Variants in BCAP29 observed in about 807,000 individuals in gnomAD.
BCAP29 encodes the protein B cell receptor associated protein 29, also known as B-cell receptor-associated protein 29.
A neutral mutation model predicts 31.8 loss-of-function variants in BCAP29; 34 were observed. The observed-to-expected ratio is 1.07, with a 90% confidence interval of 0.81 to 1.42. The LOEUF is 1.42. Among genes scored for constraint, BCAP29 ranks in the 40% most tolerant of loss-of-function variants. BCAP29 has a pLI of 0.00. For synonymous variants in BCAP29, 104 were observed against 91.3 expected (o/e 1.14, Z -0.79); for missense variants, 314 against 269.2 (o/e 1.17, Z -1.16).
intron 7 of BCAP29, 148 bp from the exon 8 acceptor site, chr7:107,618,180 A>G: frequency 3.6e-6 from 2 of 558,104 alleles, no homozygotes; most frequent in Non-Finnish European, 2.9e-6. Flanking sequence ...TAGTTTTTTA[A>G]ATTTTAGACT....
chr7:107,586,388 G>T (rs879520260), intron 3 of BCAP29, among the ~76,000 whole-genome samples: 8 of 152,172 alleles, frequency 5.3e-5, no homozygotes, highest in Non-Finnish European at 1.0e-4. Context: ...GGAGAATCAT[G>T]ACTGCTGGCT....
At chr7:107,608,561 C>T (rs1165758424) in intron 6 of BCAP29, among the ~76,000 whole-genome samples, 1 of 152,028 alleles carries the variant, frequency 6.6e-6, no homozygotes, top group South Asian at 2.1e-4. Flanking sequence ...TTTCCTGCCC[C>T]ATTCTTAGAA....
intron 6 of BCAP29, among the ~76,000 whole-genome samples, chr7:107,608,754 G>A (rs956827830): frequency 2.6e-5 from 4 of 152,132 alleles, no homozygotes; most frequent in African/African-American, 9.7e-5. Flanking sequence ...TTGATTGACG[G>A]TGTTTTTATC....
chr7:107,580,178 G>A (rs1229566339), upstream of BCAP29: 2 of 152,072 alleles, frequency 1.3e-5, no homozygotes, highest in Non-Finnish European at 2.9e-5. Flanking sequence ...CCCGCGGGCG[G>A]GAGCCTGCGG....
intron 3 of BCAP29, among the ~76,000 whole-genome samples, chr7:107,590,531 ATCCTG>A (rs1305307961): frequency 1.3e-5 from 2 of 152,108 alleles, no homozygotes; most frequent in African/African-American, 4.8e-5. Flanking sequence ...TATATAGAAA[ATCCTG>A]GCCTGGCACA....
chr7:107,599,040 GTATA>G (rs1169758861), intron 5 of BCAP29, among the ~76,000 whole-genome samples: 1 of 121,454 alleles, frequency 8.2e-6, no homozygotes, highest in Non-Finnish European at 1.6e-5. Flanking sequence ...TTAAAAATTT[GTATA>G]TATATAAAAT....
At chr7:107,599,722 T>A (rs1810801711) in intron 5 of BCAP29, among the ~76,000 whole-genome samples, 1 of 152,138 alleles carries the variant, frequency 6.6e-6, no homozygotes, top group Non-Finnish European at 1.5e-5. Flanking sequence ...AAATTTTTAC[T>A]CCATGATAAT....
chr7:107,588,382 A>G (rs375362214), intron 3 of BCAP29, among the ~76,000 whole-genome samples: 4 of 152,196 alleles, frequency 2.6e-5, no homozygotes, highest in African/African-American at 9.7e-5. Flanking sequence ...TGTTCACTTT[A>G]AAGTGTTTAC....
chr7:107,594,321 G>A, intron 4 of BCAP29: 2 of 513,662 alleles, frequency 3.9e-6, no homozygotes, highest in African/African-American at 1.9e-5. Context: ...CTCATTTCTA[G>A]GACTACAGGC....
At chr7:107,622,319 A>G (rs1815047484), downstream of BCAP29, 1 of 160,396 alleles carries the variant, frequency 6.2e-6, no homozygotes, top group African/African-American at 2.4e-5. Context: ...TTCCAACTGC[A>G]GTTAAGATCA....
Position 107,613,339 on chromosome 7 carries a change from T to G in BCAP29, c.597T>G (p.Ser199=), listed in dbSNP as rs777250076. Residue 199 remains serine, a synonymous_variant, in exon 7 of 8, where the codon TCT becomes TCG. Transcript: ENST00000005259. ...TELRKTSDAL[S]KAQNDVMEMK... ...CTATTCGATATTTTCTAGCCCTTTC[T>G]AAGGCACAAAATGATGTGATGGAAA... 2.4e-5 allele frequency: 39 copies of G among 1,605,396 alleles called. No individual in the cohort carries two copies. The highest frequency in any genetic ancestry group is 3.2e-5 in the Non-Finnish European group (38 of 1,174,462).
Position 107,595,966 on chromosome 7 carries a change from CA to C in BCAP29, c.450del (p.Lys150AsnfsTer9). ...TQAENTNKAA[K>X]KFMEENEKLK... Reference sequence around the variant, plus strand: ...AAGCAGAAAATACTAACAAGGCTGCCAAAAAATTTATGGAAGAAAACGAAAA... The same window carrying C: ...AAGCAGAAAATACTAACAAGGCTGCCAAAAATTTATGGAAGAAAACGAAAA... On this transcript the variant is annotated frameshift_variant, in exon 5 of 8. Coordinates refer to ENST00000005259, the MANE Select transcript of BCAP29 (RefSeq NM_018844.4). LOFTEE classifies it high-confidence loss of function. The C allele has an allele frequency of 2.5e-6, 4 of 1,573,776 alleles. No individual in the cohort carries two copies. The highest frequency in any genetic ancestry group is 4.1e-5 in the Admixed American group (2 of 48,442).
rs1242470067 is a variant in BCAP29 at position 107,620,399 on chromosome 7, GT to G, written c.*2041del. The G allele has an allele frequency of 6.6e-6, 1 of 152,180 alleles. No homozygotes were observed. The highest frequency in any genetic ancestry group is 6.5e-5 in the Admixed American group (1 of 15,284). 9.4% of individuals were successfully genotyped at this position (152,180 alleles called of 1,614,324 possible). ...ACTGTTTCACATGCTGTGTTTGGTA[GT>G]TTTTCCTAGTACTCTCCTTAATAAT... On this transcript the variant is annotated 3_prime_UTR_variant, in exon 8 of 8. Transcript: ENST00000005259.
At chr7:107,589,336 A>C (rs759925714) in intron 3 of BCAP29, among the ~76,000 whole-genome samples, 5 of 152,244 alleles carry the variant, frequency 3.3e-5, no homozygotes, top group Non-Finnish European at 7.3e-5. Context: ...ACCGTAATGT[A>C]GAATCACTGG....
intron 6 of BCAP29, among the ~76,000 whole-genome samples, chr7:107,606,767 T>C (rs1812176779): frequency 6.6e-6 from 1 of 152,196 alleles, no homozygotes; most frequent in Admixed American, 6.5e-5. Context: ...ATTTAAGAAA[T>C]TAGCATGTTC....
chr7:107,581,493 C>G (rs1024025778), intron 2 of BCAP29, among the ~76,000 whole-genome samples: 1 of 152,186 alleles, frequency 6.6e-6, no homozygotes, highest in South Asian at 2.1e-4. Flanking sequence ...TACAGTGTTT[C>G]AAGCCAAGCA....
chr7:107,583,997 C>T lies in BCAP29; in HGVS notation c.193+15C>T. On this transcript the variant is annotated intron_variant, in intron 3 of 7. Transcript: ENST00000005259. Reference sequence around the variant, plus strand: ...TCTATTTCTAGGTAAGTACTAGATCCCTTCTTTGAATAAATATAACTTTTT... The same window carrying T: ...TCTATTTCTAGGTAAGTACTAGATCTCTTCTTTGAATAAATATAACTTTTT... 7.5e-7 allele frequency: 1 copy of T among 1,337,052 alleles called. No homozygotes were observed. The highest frequency in any genetic ancestry group is 1.0e-6 in the Non-Finnish European group (1 of 972,114). The allele number at this position is 1,337,052 out of a possible 1,614,324, so 82.8% of individuals were successfully genotyped here.
chr7:107,590,625 C>T (rs947953171), intron 3 of BCAP29, among the ~76,000 whole-genome samples: 2 of 152,002 alleles, frequency 1.3e-5, no homozygotes, highest in South Asian at 2.1e-4. Context: ...GCAGACCATC[C>T]TGGGCAACAT....
intron 3 of BCAP29, among the ~76,000 whole-genome samples, chr7:107,591,330 A>C (rs968798177): frequency 3.3e-5 from 5 of 152,142 alleles, no homozygotes; most frequent in Non-Finnish European, 7.3e-5. Context: ...AAATTGGGAG[A>C]CTCACACTAC....
Sources: gnomAD v4.1 joint callset for allele counts (sites outside exome capture counted in the v4.1 genomes callset) on GRCh38, gnomAD v4.1.1 for gene constraint, MANE v1.5 for transcripts, NCBI Gene and HGNC (gene_info 2026-07-23, HGNC 2026-07-21) for gene names.